TOP6BL: variants seen among roughly 807,000 people sequenced by gnomAD.
TOP6BL encodes the protein type 2 DNA topoisomerase 6 subunit B-like.
At chr11:66,805,253 TAAC>T in the TOP6BL span, among the ~76,000 whole-genome samples, 1 of 151,708 alleles carries the variant, frequency 6.6e-6, no homozygotes, top group African/African-American at 2.4e-5. Context: ...AAAAATAAAA[TAAC>T]AATAATAATG....
chr11:66,749,466 C>T, the TOP6BL span, among the ~76,000 whole-genome samples: 4 of 152,120 alleles, frequency 2.6e-5, no homozygotes, highest in African/African-American at 7.2e-5. Context: ...GCAAGAAACT[C>T]GATTCTGCAT....
the TOP6BL span, among the ~76,000 whole-genome samples, chr11:66,777,265 T>G: frequency 6.6e-6 from 1 of 151,932 alleles, no homozygotes; most frequent in African/African-American, 2.4e-5. Flanking sequence ...GACATTTAGG[T>G]TTATTCTTTT....
At chr11:66,784,870 CA>C in the TOP6BL span, among the ~76,000 whole-genome samples, 1 of 151,898 alleles carries the variant, frequency 6.6e-6, no homozygotes, top group African/African-American at 2.4e-5. Flanking sequence ...TTACTGTGTC[CA>C]ATCTAACCAT....
At chr11:66,755,243 C>G in the TOP6BL span, among the ~76,000 whole-genome samples, 1 of 152,048 alleles carries the variant, frequency 6.6e-6, no homozygotes, top group African/African-American at 2.4e-5. Context: ...GCCTCAGCCT[C>G]CTGAGTAGCT....
the TOP6BL span, chr11:66,838,505 G>C: frequency 8.7e-6 from 13 of 1,493,518 alleles, no homozygotes; most frequent in Non-Finnish European, 1.2e-5. Context: ...AAAAACGTGA[G>C]TTCAAACTTT....
At chr11:66,804,052 A>G in the TOP6BL span, 6 of 1,613,906 alleles carry the variant, frequency 3.7e-6, no homozygotes, top group Admixed American at 1.0e-4. Flanking sequence ...CTGTGCTAGG[A>G]CATCCAGTAA....
the TOP6BL span, among the ~76,000 whole-genome samples, chr11:66,768,170 T>C: frequency 6.6e-6 from 1 of 152,108 alleles, no homozygotes; most frequent in Non-Finnish European, 1.5e-5. Flanking sequence ...TTTCATGGGT[T>C]AGAGAGATTG....
At chr11:66,767,773 G>C in the TOP6BL span, among the ~76,000 whole-genome samples, 1 of 152,084 alleles carries the variant, frequency 6.6e-6, no homozygotes, top group Non-Finnish European at 1.5e-5. Context: ...TTTGGTGTCA[G>C]GGAGACTTTT....
At chr11:66,772,490 C>T in the TOP6BL span, among the ~76,000 whole-genome samples, 20 of 152,044 alleles carry the variant, frequency 1.3e-4, no homozygotes, top group Non-Finnish European at 2.9e-4. Context: ...AAATCTTGGC[C>T]GGGCACCGTG....
the TOP6BL span, among the ~76,000 whole-genome samples, chr11:66,781,725 G>T: frequency 6.6e-6 from 1 of 151,948 alleles, no homozygotes; most frequent in Admixed American, 6.6e-5. Context: ...TTTTTGTAGA[G>T]ATGAGTCTTT....
At chr11:66,762,253 G>T in the TOP6BL span, 5 of 540,392 alleles carry the variant, frequency 9.3e-6, no homozygotes, top group Middle Eastern at 5.3e-4. Flanking sequence ...CGCAGAACAC[G>T]CGCGCAAACT....
the TOP6BL span, among the ~76,000 whole-genome samples, chr11:66,757,637 A>G: frequency 6.6e-6 from 1 of 152,108 alleles, no homozygotes; most frequent in African/African-American, 2.4e-5. Flanking sequence ...CCCAGGCTAG[A>G]GTGCAATGGT....
the TOP6BL span, among the ~76,000 whole-genome samples, chr11:66,813,166 C>T: frequency 6.6e-6 from 1 of 152,288 alleles, no homozygotes; most frequent in East Asian, 1.9e-4. Context: ...AGCTTACCGG[C>T]TTTTATGTCT....
the TOP6BL span, chr11:66,842,742 G>A: frequency 8.9e-7 from 1 of 1,122,082 alleles, no homozygotes; most frequent in African/African-American, 1.6e-5. Flanking sequence ...ACAGGGATGC[G>A]GTGGGAAGAG....
the TOP6BL span, among the ~76,000 whole-genome samples, chr11:66,796,673 C>T: frequency 6.6e-6 from 1 of 151,608 alleles, no homozygotes; most frequent in African/African-American, 2.4e-5. Flanking sequence ...ATCCCAGTTC[C>T]TCAGGAGGGT....
the TOP6BL span, among the ~76,000 whole-genome samples, chr11:66,764,818 G>A: frequency 6.6e-6 from 1 of 151,754 alleles, no homozygotes; most frequent in South Asian, 2.1e-4. Context: ...AAATCAGCCA[G>A]GCATGTGAAA....
the TOP6BL span, among the ~76,000 whole-genome samples, chr11:66,777,903 A>G: frequency 6.6e-6 from 1 of 152,120 alleles, no homozygotes; most frequent in African/African-American, 2.4e-5. Context: ...TAATGCTAAC[A>G]TTTGTAGCAA....
the TOP6BL span, chr11:66,828,470 G>A: frequency 2.6e-6 from 2 of 766,022 alleles, no homozygotes; most frequent in South Asian, 1.7e-5. Context: ...CATAATCTGA[G>A]GTCAGCCTTT....
chr11:66,829,126 C>CTGCAA, the TOP6BL span, among the ~76,000 whole-genome samples: 5 of 151,238 alleles, frequency 3.3e-5, no homozygotes, highest in African/African-American at 4.9e-5. Context: ...TGGCTCACAC[C>CTGCAA]TGCAATCCTA....
Sources: allele counts gnomAD v4.1 joint callset (sites outside exome capture counted in the v4.1 genomes callset), GRCh38; gene constraint gnomAD v4.1.1; transcripts MANE v1.5; gene names NCBI Gene and HGNC (gene_info 2026-07-23, HGNC 2026-07-21).